The following DMXL1 variants were observed in gnomAD, a reference collection of about 807,000 sequenced individuals.
The protein encoded by DMXL1 is Dmx like 1.
Under a neutral mutation model 319.2 loss-of-function variants are expected in DMXL1, and 99 were observed. The observed-to-expected ratio is 0.31, with a 90% CI of 0.26 to 0.37. DMXL1 has a LOEUF of 0.37. Among genes scored for constraint, DMXL1 ranks in the 10% least tolerant of loss-of-function variants. The pLI is 1.00. For missense variants in DMXL1, 3,745 were observed against 3,595.6 expected (o/e 1.04, Z -1.06); for synonymous variants, 1,385 against 1,235.2 (o/e 1.12, Z -2.54).
intron 9 of DMXL1, among the ~76,000 whole-genome samples, chr5:119,125,437 T>G (rs929253795): frequency 6.6e-6 from 1 of 152,218 alleles, no homozygotes; most frequent in Non-Finnish European, 1.5e-5. Context: ...TATATTCTAT[T>G]TTAGCAGGGC....
chr5:119,220,693 T>C (rs1784500732), intron 36 of DMXL1, 100 bp downstream of exon 36: 13 of 1,430,196 alleles, frequency 9.1e-6, no homozygotes, highest in African/African-American at 1.4e-5. Context: ...AATGTATAGA[T>C]TGTAAGCAGA....
intron 40 of DMXL1, among the ~76,000 whole-genome samples, chr5:119,237,785 C>G (rs1261780070): frequency 6.6e-6 from 1 of 151,892 alleles, no homozygotes; most frequent in East Asian, 1.9e-4. Flanking sequence ...CTCTTATGAA[C>G]AAACAAAGTG....
chr5:119,124,312 C>T (rs1156942600), intron 9 of DMXL1, among the ~76,000 whole-genome samples: 7 of 139,920 alleles, frequency 5.0e-5, no homozygotes, highest in Non-Finnish European at 7.6e-5. Flanking sequence ...AGCGAGACTC[C>T]ATCTCAAAAA....
intron 28 of DMXL1, among the ~76,000 whole-genome samples, chr5:119,187,383 C>T (rs1777925219): frequency 6.6e-6 from 1 of 152,146 alleles, no homozygotes; most frequent in Non-Finnish European, 1.5e-5. Flanking sequence ...CAAAAACAAC[C>T]AGTTGAACAC....
rs1166102513 is a variant in DMXL1, at chr5:119,076,974, G to T, written c.87+5318G>T. Among the ~76,000 whole-genome samples, 8 of 152,164 alleles carry T rather than the reference G, an allele frequency of 5.3e-5. No homozygotes were observed. In the South Asian group the frequency reaches 6.2e-4, roughly 12 times the overall value. ...TTTGTCAATTTAATTTTATTGGTTA[G>T]TAATAGATTATTCTGATTACAGATC... On this transcript the variant is annotated intron_variant, in intron 1 of 43. Coordinates refer to ENST00000539542, the MANE Select transcript of DMXL1 (RefSeq NM_001290321.3).
At chr5:119,155,995 C>T (rs1390735520) in intron 19 of DMXL1, among the ~76,000 whole-genome samples, 1 of 152,142 alleles carries the variant, frequency 6.6e-6, no homozygotes, top group Non-Finnish European at 1.5e-5. Context: ...GTTGATAGAG[C>T]ATTGGCAGGG....
At chr5:119,089,522 G>T (rs1293010740) in intron 1 of DMXL1, among the ~76,000 whole-genome samples, 1 of 149,882 alleles carries the variant, frequency 6.7e-6, no homozygotes, top group East Asian at 2.0e-4. Flanking sequence ...TGGCCAGGCT[G>T]GTCTCAAACT....
Position 119,247,168 on chromosome 5 carries a change from G to C in DMXL1, c.9096G>C (p.Gln3032His). The change falls in exon 44 of 44, where the codon CAG becomes CAC. Residue 3032 changes from glutamine to histidine, a missense_variant. By Grantham distance (24) the Gln-to-His change is conservative. This residue lies in a region of DMXL1 where 262 missense variants were observed against 320.5 expected (regional missense o/e 0.82). Coordinates refer to ENST00000539542, the MANE Select transcript of DMXL1 (RefSeq NM_001290321.3). Reference sequence around the variant, plus strand: ...TGAAAATGAGAATACTGCCAGATCAGTTTAGCCCTTTAAATGAAGTGTTGA... The same window carrying C: ...TGAAAATGAGAATACTGCCAGATCACTTTAGCCCTTTAAATGAAGTGTTGA... ...GTMKMRILPDQFSPLNEVLKN... is the reference protein window; with the variant it reads ...GTMKMRILPDHFSPLNEVLKN... 10 of 1,613,826 alleles carry C rather than the reference G, an allele frequency of 6.2e-6. No individual in the cohort carries two copies. The highest frequency in any genetic ancestry group is 8.5e-6 in the Non-Finnish European group (10 of 1,179,902).
intron 31 of DMXL1, 56 bp downstream of exon 31, chr5:119,196,512 GTTGT>G: frequency 4.6e-6 from 3 of 656,586 alleles, no homozygotes; most frequent in East Asian, 3.7e-5. Context: ...TTACTACTCT[GTTGT>G]TTTTTTTTTT....
At chr5:119,202,604 C>A (rs190641073) in intron 32 of DMXL1, among the ~76,000 whole-genome samples, 50 of 152,088 alleles carry the variant, frequency 3.3e-4, no homozygotes, top group African/African-American at 1.1e-3. Context: ...GTAATGCCAG[C>A]ACTTTGGAAG....
chr5:119,164,049 C>G (rs1027578727), intron 19 of DMXL1, among the ~76,000 whole-genome samples: 1 of 151,526 alleles, frequency 6.6e-6, no homozygotes, highest in African/African-American at 2.4e-5. Context: ...ATTCTGGAGT[C>G]TTTGCAGTGC....
At chr5:119,186,686 T>C (rs1307145279) in intron 28 of DMXL1, among the ~76,000 whole-genome samples, 1 of 152,216 alleles carries the variant, frequency 6.6e-6, no homozygotes, top group African/African-American at 2.4e-5. Context: ...TGTTGTCTTA[T>C]TCCTCTGCTC....
intron 1 of DMXL1, among the ~76,000 whole-genome samples, chr5:119,080,208 G>C (rs1423172821): frequency 6.6e-6 from 1 of 152,110 alleles, no homozygotes; most frequent in Non-Finnish European, 1.5e-5. Flanking sequence ...TTAGCCAGGT[G>C]TGGTGGTGGG....
At chr5:119,137,040 T>G (rs1290359527) in intron 13 of DMXL1, among the ~76,000 whole-genome samples, 2 of 152,198 alleles carry the variant, frequency 1.3e-5, no homozygotes, top group Non-Finnish European at 2.9e-5. Flanking sequence ...GGAAAAGCCA[T>G]AAGCACTCAA....
At chr5:119,084,648 G>T (rs1000453665) in intron 1 of DMXL1, among the ~76,000 whole-genome samples, 21 of 151,968 alleles carry the variant, frequency 1.4e-4, no homozygotes, top group African/African-American at 4.8e-4. Context: ...TGGATCATCT[G>T]AGGCTGTGAG....
intron 1 of DMXL1, among the ~76,000 whole-genome samples, chr5:119,093,991 A>C (rs1176353174): frequency 6.6e-6 from 1 of 152,254 alleles, no homozygotes; most frequent in Non-Finnish European, 1.5e-5. Flanking sequence ...ATGAGGTATA[A>C]GAAAAGAAGT....
chr5:119,085,526 A>C (rs1174968872), intron 1 of DMXL1, among the ~76,000 whole-genome samples: 1 of 151,964 alleles, frequency 6.6e-6, no homozygotes, highest in Non-Finnish European at 1.5e-5. Context: ...TGATTTTTGT[A>C]TGTTGATTTT....
chr5:119,119,090 A>G, intron 8 of DMXL1, 86 bp downstream of exon 8: 2 of 837,946 alleles, frequency 2.4e-6, no homozygotes, highest in African/African-American at 1.7e-5. Context: ...GTTATAAAAA[A>G]ACTATATCCT....
At chr5:119,179,201 A>C (rs754171214) in intron 28 of DMXL1, among the ~76,000 whole-genome samples, 50 of 151,798 alleles carry the variant, frequency 3.3e-4, no homozygotes, top group Non-Finnish European at 6.3e-4. Flanking sequence ...TAGTTTTCCA[A>C]TTATGGAGGG....
Sources: gnomAD v4.1 joint callset for allele counts (sites outside exome capture counted in the v4.1 genomes callset) on GRCh38, gnomAD v4.1.1 for gene constraint, gnomAD v4.1.1 regional missense constraint, MANE v1.5 for transcripts, NCBI Gene and HGNC (gene_info 2026-07-23, HGNC 2026-07-21) for gene names.